LRRC9: variants seen among roughly 807,000 people sequenced by gnomAD.
The protein encoded by LRRC9 is leucine rich repeat containing 9.
A neutral mutation model predicts 63.2 loss-of-function variants in LRRC9; 122 were observed. That is an observed-to-expected ratio of 1.93 (90% CI 1.67 to 2.24). The LOEUF is 2.24. Among genes scored for constraint, LRRC9 ranks in the 30% most tolerant of loss-of-function variants. The pLI, the probability that LRRC9 is intolerant of heterozygous loss-of-function variation, is 0.00. For missense variants in LRRC9, 1,071 were observed against 627.7 expected (o/e 1.71, Z -7.55); for synonymous variants, 366 against 213.1 (o/e 1.72, Z -6.25).
intron 12 of LRRC9, among the ~76,000 whole-genome samples, chr14:59,969,819 G>A (rs980961448): frequency 2.0e-5 from 3 of 152,066 alleles, no homozygotes; most frequent in East Asian, 1.9e-4. Flanking sequence ...GTCAATAAAC[G>A]CAAAGAGTAT....
Position 59,938,647 on chromosome 14 carries a change from T to A in LRRC9, c.726+75T>A. 1.7e-6 allele frequency: 1 copy of A among 582,672 alleles called. No individual in the cohort carries two copies. Among genetic ancestry groups the A allele is most frequent in the South Asian group, 2.2e-5 (1 of 44,604 alleles). The allele number at this position is 582,672 out of a possible 1,614,324, so 36.1% of individuals were successfully genotyped here. On this transcript the variant is annotated intron_variant, in intron 7 of 31. Coordinates refer to ENST00000445360, the Ensembl canonical transcript of LRRC9. The surrounding 1 kb of genome is among the most constrained non-coding windows in gnomAD (Gnocchi z 4.2). ...CGGCTTCTTTCTGGCCATGTCCACA[T>A]ACGGTAGGTAGGATTATCAGTTCAG...
chr14:59,924,687 T>G (rs1335574086), intron 1 of LRRC9, among the ~76,000 whole-genome samples: 1 of 152,176 alleles, frequency 6.6e-6, no homozygotes, highest in Non-Finnish European at 1.5e-5. Flanking sequence ...TTGTTACTCT[T>G]CAACTCAAAT....
At chr14:60,005,364 A>C (rs1234433124) in intron 21 of LRRC9, among the ~76,000 whole-genome samples, 1 of 152,098 alleles carries the variant, frequency 6.6e-6, no homozygotes, top group African/African-American at 2.4e-5. Context: ...TGCTTTGTAC[A>C]TACAATTAAA....
chr14:60,050,264 G>C (rs1893781815), intron 29 of LRRC9, among the ~76,000 whole-genome samples: 1 of 152,160 alleles, frequency 6.6e-6, no homozygotes, highest in Admixed American at 6.5e-5. Flanking sequence ...CCAAAGTGCT[G>C]AGATTGCATG....
At chr14:60,018,568 A>T in intron 25 of LRRC9, 89 bp downstream of exon 25, 1 of 502,476 alleles carries the variant, frequency 2.0e-6, no homozygotes, top group Non-Finnish European at 3.5e-6. Context: ...CATGTTATTA[A>T]AGTAGATAAA....
At chr14:60,063,477 G>C in exon 32 of LRRC9, 1 of 648,028 alleles carries the variant, frequency 1.5e-6, no homozygotes, top group East Asian at 2.7e-5. Context: ...TGTTACTTAA[G>C]TTACTGAAGC....
chr14:59,983,043 G>A (rs188534614), intron 16 of LRRC9, among the ~76,000 whole-genome samples: 1 of 152,172 alleles, frequency 6.6e-6, no homozygotes, highest in Non-Finnish European at 1.5e-5. Context: ...CTACTTCTAT[G>A]TCTGACTTTT....
At position 59,938,066 on chromosome 14, in the gene LRRC9, T is replaced by G. The variant is rs1881240001; in HGVS notation, c.544-324T>G. 6.6e-6 allele frequency among the ~76,000 whole-genome samples: 1 copy of G among 152,060 alleles called. No homozygotes were observed. Among genetic ancestry groups the G allele is most frequent in the Admixed American group, 6.6e-5 (1 of 15,246 alleles). ...GACCTACAGGTATCCTGGGGGCAAT[T>G]AGCAAGAGGGGCTGTGTAGGGGAAG... On this transcript the variant is annotated intron_variant, in intron 6 of 31. Coordinates refer to ENST00000445360, the Ensembl canonical transcript of LRRC9. This position sits in a 1 kb window ranked among gnomAD's most constrained non-coding sequence, Gnocchi z 4.2.
At chr14:59,926,737 G>C (rs756749801) in intron 1 of LRRC9, among the ~76,000 whole-genome samples, 1 of 151,906 alleles carries the variant, frequency 6.6e-6, no homozygotes, top group Non-Finnish European at 1.5e-5. Context: ...CTCTTCTTTT[G>C]TTCAACATTT....
In LRRC9 at chr14:60,060,668, G is replaced by A. The variant is rs1002847712; in HGVS notation, c.4276+2646G>A. On this transcript the variant is annotated intron_variant, in intron 31 of 31. Transcript: ENST00000445360. The surrounding 1 kb of genome is among the most constrained non-coding windows in gnomAD (Gnocchi z 4.0). ...AGTCAAGAGAATGGCATGAACCTGG[G>A]AGGCGGAGCTTGCAGTGAACCGAGA... Among the ~76,000 whole-genome samples, 1 of 152,154 alleles carries A rather than the reference G, an allele frequency of 6.6e-6. No homozygotes were observed. The highest frequency in any genetic ancestry group is 2.4e-5 in the African/African-American group (1 of 41,432).
At chr14:60,015,690 A>G (rs183226192) in intron 23 of LRRC9, among the ~76,000 whole-genome samples, 26 of 152,282 alleles carry the variant, frequency 1.7e-4, no homozygotes, top group Admixed American at 1.5e-3. Flanking sequence ...TGCTCCACAG[A>G]TAACTCATTA....
At chr14:59,935,077 G>A (rs998024176) in intron 6 of LRRC9, among the ~76,000 whole-genome samples, 3 of 150,192 alleles carry the variant, frequency 2.0e-5, no homozygotes, top group African/African-American at 7.4e-5. Flanking sequence ...CTTGAGATCA[G>A]GAGTTTGAGA....
chr14:59,955,493 C>G (rs542776648), intron 8 of LRRC9, among the ~76,000 whole-genome samples: 1 of 152,114 alleles, frequency 6.6e-6, no homozygotes, highest in East Asian at 1.9e-4. Flanking sequence ...GGTGATATCC[C>G]CTTTATCATT....
At chr14:59,956,644 G>T (rs1299532456) in intron 8 of LRRC9, among the ~76,000 whole-genome samples, 2 of 152,094 alleles carry the variant, frequency 1.3e-5, no homozygotes, top group Admixed American at 6.5e-5. Context: ...TACATTTAAG[G>T]TTAATATTGT....
chr14:59,997,839 T>C (rs1187454014), exon 18 of LRRC9: 1 of 691,512 alleles, frequency 1.4e-6, no homozygotes, highest in Admixed American at 2.1e-5. Flanking sequence ...ACATAATCCA[T>C]GGCAAAAGGT....
At chr14:60,066,096 G>T (rs1198771634), downstream of LRRC9, among the ~76,000 whole-genome samples, 14 of 151,910 alleles carry the variant, frequency 9.2e-5, no homozygotes, top group Non-Finnish European at 1.5e-5. Flanking sequence ...TGGGATTATA[G>T]GCATGAGCCA....
At chr14:59,954,825 T>C (rs1464781264) in intron 8 of LRRC9, among the ~76,000 whole-genome samples, 1 of 152,222 alleles carries the variant, frequency 6.6e-6, no homozygotes, top group Non-Finnish European at 1.5e-5. Flanking sequence ...GTTCCAGCAA[T>C]ACCTAGTTTA....
intron 30 of LRRC9, 66 bp from the exon 31 acceptor site, chr14:60,057,812 G>A (rs1894396440): frequency 9.2e-6 from 5 of 542,854 alleles, no homozygotes; most frequent in Non-Finnish European, 1.7e-5. Flanking sequence ...CTTGTTATAA[G>A]GATTAAGCCT....
At chr14:59,973,984 G>C (rs1477730360) in intron 12 of LRRC9, among the ~76,000 whole-genome samples, 2 of 151,920 alleles carry the variant, frequency 1.3e-5, no homozygotes, top group African/African-American at 4.8e-5. Flanking sequence ...ATCTCTTTTA[G>C]CTCTAGTTTT....
Sources: gnomAD v4.1 joint callset for allele counts (sites outside exome capture counted in the v4.1 genomes callset) on GRCh38, gnomAD v4.1.1 for gene constraint, Gnocchi (gnomAD v3.1) non-coding constraint, MANE v1.5 for transcripts, NCBI Gene and HGNC (gene_info 2026-07-23, HGNC 2026-07-21) for gene names.